TNFRSF10C: variants seen among roughly 807,000 people sequenced by gnomAD.
The protein encoded by TNFRSF10C is TNF receptor superfamily member 10c, also known as tumor necrosis factor receptor superfamily member 10C.
A neutral mutation model predicts 16.7 loss-of-function variants in TNFRSF10C; 17 were observed. The observed-to-expected ratio is 1.02, with a 90% confidence interval of 0.70 to 1.53. TNFRSF10C has a LOEUF of 1.53. TNFRSF10C is among the 40% of genes most tolerant of loss of function. The probability of loss-of-function intolerance (pLI) is 0.00; values close to 1 mark genes in which losing one functional copy is unlikely to be tolerated. For missense variants in TNFRSF10C, 237 were observed against 329.7 expected (o/e 0.72, Z 2.18); for synonymous variants, 73 against 119.7 (o/e 0.61, Z 2.55).
rs1237504559 is a variant in TNFRSF10C at position 23,103,107 on chromosome 8, G to A, written c.-15G>A. ...GGTGCGACCCAGGACCCAGGACGGCGTCGGGAACCATACCATGGCCCGGAT... is the reference window on the plus strand; with the variant it reads ...GGTGCGACCCAGGACCCAGGACGGCATCGGGAACCATACCATGGCCCGGAT... On this transcript the variant is annotated 5_prime_UTR_variant, in exon 1 of 5. Transcript: ENST00000356864. 6.2e-7 allele frequency: 1 copy of A among 1,609,246 alleles called. No homozygotes were observed. Among genetic ancestry groups the A allele is most frequent in the Non-Finnish European group, 8.5e-7 (1 of 1,178,206 alleles).
intron 1 of TNFRSF10C, among the ~76,000 whole-genome samples, chr8:23,106,323 G>A (rs1430977406): frequency 6.6e-6 from 1 of 152,192 alleles, no homozygotes; most frequent in Non-Finnish European, 1.5e-5. Context: ...CTGTTGCAGG[G>A]CCATAGGATG....
chr8:23,115,604 G>C lies in TNFRSF10C; in HGVS notation c.377G>C (p.Arg126Pro). Residue 126 changes from arginine (R) to proline (P), a missense_variant, in exon 4 of 5, where the codon CGG becomes CCG. This residue lies in a region of TNFRSF10C where 212 missense variants were observed against 196.8 expected (regional missense o/e 1.08). Coordinates refer to ENST00000356864, the MANE Select transcript of TNFRSF10C (RefSeq NM_003841.5). Reference protein sequence around the residue: ...FRNENSPEMCRKCSRCPSGEV... With the variant: ...FRNENSPEMCPKCSRCPSGEV... Reference sequence around the variant, plus strand: ...AATGAAAACTCCCCAGAGATGTGCCGGAAGTGTAGCAGGTGAGACAGCAGT... The same window carrying C: ...AATGAAAACTCCCCAGAGATGTGCCCGAAGTGTAGCAGGTGAGACAGCAGT... 1 of 1,613,372 alleles carries C rather than the reference G, an allele frequency of 6.2e-7. No individual in the cohort carries two copies. The highest frequency in any genetic ancestry group is 8.5e-7 in the Non-Finnish European group (1 of 1,179,592).
chr8:23,106,892 C>A (rs1461085198), intron 1 of TNFRSF10C, among the ~76,000 whole-genome samples: 5 of 149,492 alleles, frequency 3.3e-5, no homozygotes, highest in South Asian at 2.1e-4. Flanking sequence ...GAGGCTGAGG[C>A]AGGAGAATGG....
intron 1 of TNFRSF10C, among the ~76,000 whole-genome samples, chr8:23,106,386 A>G (rs73546646): frequency 0.037 from 5,464 of 149,252 alleles, 293 homozygotes; most frequent in African/African-American, 0.13. Context: ...ATTGAGGGTC[A>G]GGGAGGGGAG....
At chr8:23,107,335 A>G (rs1207992126) in intron 1 of TNFRSF10C, among the ~76,000 whole-genome samples, 7 of 152,252 alleles carry the variant, frequency 4.6e-5, no homozygotes, top group African/African-American at 1.7e-4. Flanking sequence ...TGCTGGGGAC[A>G]TAGGAGCAAA....
intron 1 of TNFRSF10C, among the ~76,000 whole-genome samples, chr8:23,106,428 A>ATTTT (rs61058025): frequency 1.5e-5 from 2 of 130,024 alleles, no homozygotes; most frequent in East Asian, 4.4e-4. Context: ...CCCCCACCCG[A>ATTTT]TTTTTTTTTT....
In TNFRSF10C at chr8:23,116,662, A is replaced by T. The variant is rs748188644; in HGVS notation, c.411A>T (p.Gln137His). Residue 137 changes from glutamine to histidine, a missense_variant, in exon 5 of 5, where the codon CAA becomes CAT. Physicochemically the swap from Gln to His is conservative, Grantham distance 24. Coordinates refer to ENST00000356864, the MANE Select transcript of TNFRSF10C (RefSeq NM_003841.5). ...CCAGGTGCCCTAGTGGGGAAGTCCAAGTCAGTAATTGTACGTCCTGGGATG... is the reference window on the plus strand; with the variant it reads ...CCAGGTGCCCTAGTGGGGAAGTCCATGTCAGTAATTGTACGTCCTGGGATG... The part of the protein sequence containing the change: ...KCSRCPSGEV[Q>H]VSNCTSWDDI... The T allele has an allele frequency of 3.1e-6, 5 of 1,614,086 alleles. No homozygotes were observed. In the South Asian group the frequency reaches 5.5e-5, roughly 18 times the overall value.
At chr8:23,107,778 A>G (rs1393896873) in intron 1 of TNFRSF10C, among the ~76,000 whole-genome samples, 1 of 152,242 alleles carries the variant, frequency 6.6e-6, no homozygotes, top group Non-Finnish European at 1.5e-5. Context: ...TCCACTGAGC[A>G]CTACAGTTCA....
chr8:23,103,512 A>T, intron 1 of TNFRSF10C: 1 of 435,286 alleles, frequency 2.3e-6, no homozygotes. Context: ...TCTCTCATTA[A>T]TTAATTAATT....
intron 1 of TNFRSF10C, among the ~76,000 whole-genome samples, chr8:23,107,775 A>C (rs932956960): frequency 2.0e-5 from 3 of 152,244 alleles, no homozygotes. Flanking sequence ...AAATCCACTG[A>C]GCACTACAGT....
At chr8:23,106,272 C>T (rs1160249368) in intron 1 of TNFRSF10C, among the ~76,000 whole-genome samples, 1 of 152,148 alleles carries the variant, frequency 6.6e-6, no homozygotes, top group Non-Finnish European at 1.5e-5. Flanking sequence ...CTACCCTTGC[C>T]TCCCCCTCCT....
intron 1 of TNFRSF10C, among the ~76,000 whole-genome samples, chr8:23,107,969 T>C (rs891299119): frequency 2.0e-5 from 3 of 152,200 alleles, no homozygotes; most frequent in African/African-American, 4.8e-5. Flanking sequence ...TCAGATGAAG[T>C]TGATTTTGTT....
intron 1 of TNFRSF10C, among the ~76,000 whole-genome samples, chr8:23,111,437 G>A (rs1027948919): frequency 6.6e-5 from 10 of 151,436 alleles, no homozygotes; most frequent in East Asian, 1.9e-4. Context: ...GGATGGTCTC[G>A]ATCTCTTGAC....
chr8:23,103,157 C>A lies in TNFRSF10C; in HGVS notation c.36C>A (p.Val12=). ...TCCCCAAGACCCTAAAGTTCGTCGT[C>A]GTCATCGTCGCGGTCCTGCTGCCAG... is the stretch of plus-strand genomic sequence containing the variant. The part of the protein sequence containing the change: ...ARIPKTLKFV[V]VIVAVLLPVL... Residue 12 remains valine (V), a synonymous_variant, in exon 1 of 5, where the codon GTC becomes GTA. Coordinates refer to ENST00000356864, the MANE Select transcript of TNFRSF10C (RefSeq NM_003841.5). 1 of 1,612,136 alleles carries A rather than the reference C, an allele frequency of 6.2e-7. No homozygotes were observed. Among genetic ancestry groups the A allele is most frequent in the East Asian group, 2.2e-5 (1 of 44,824 alleles).
chr8:23,106,415 G>GCC (rs1217456038), intron 1 of TNFRSF10C, among the ~76,000 whole-genome samples: 52 of 147,566 alleles, frequency 3.5e-4, no homozygotes, highest in African/African-American at 1.3e-3. Context: ...TCCTTTAGAT[G>GCC]CCCCCCCACC....
chr8:23,106,481 G>T lies in TNFRSF10C; in HGVS notation c.60+3300G>T, dbSNP rs1408009746. On this transcript the variant is annotated intron_variant, in intron 1 of 4. Coordinates refer to ENST00000356864, the MANE Select transcript of TNFRSF10C (RefSeq NM_003841.5). ...CTGAGAATTTGATTCACCTAAGAGA[G>T]GTCCACAGGAGACAAGCACACACAT... is the stretch of plus-strand genomic sequence containing the variant. Among the ~76,000 whole-genome samples, 6 of 150,266 alleles carry T rather than the reference G, an allele frequency of 4.0e-5. No homozygotes were observed. The South Asian group carries it at 1.0e-3, about 26-fold the overall frequency.
intron 4 of TNFRSF10C, 80 bp from the exon 5 acceptor site, chr8:23,116,561 G>C: frequency 6.5e-7 from 1 of 1,534,794 alleles, no homozygotes; most frequent in African/African-American, 1.4e-5. Context: ...GGACATTGGA[G>C]AGGGAGGGTG....
intron 2 of TNFRSF10C, among the ~76,000 whole-genome samples, chr8:23,112,509 T>G (rs1813897722): frequency 6.6e-6 from 1 of 152,256 alleles, no homozygotes; most frequent in Non-Finnish European, 1.5e-5. Context: ...ATCACCATTC[T>G]GCTCTCCACC....
At chr8:23,105,247 T>C (rs917844112) in intron 1 of TNFRSF10C, among the ~76,000 whole-genome samples, 2 of 152,068 alleles carry the variant, frequency 1.3e-5, no homozygotes, top group African/African-American at 4.8e-5. Flanking sequence ...GAAGAGGAGG[T>C]AAAAATCTTC....
Sources: allele counts gnomAD v4.1 joint callset (sites outside exome capture counted in the v4.1 genomes callset), GRCh38; gene constraint gnomAD v4.1.1; regional missense constraint gnomAD v4.1.1; transcripts MANE v1.5; gene names NCBI Gene and HGNC (gene_info 2026-07-23, HGNC 2026-07-21).